The following SLC2A13 variants were observed in gnomAD, a reference collection of about 807,000 sequenced individuals.
The protein encoded by SLC2A13 is proton myo-inositol cotransporter.
In SLC2A13, 32 loss-of-function variants were observed where a neutral mutation model predicts 64.4. The ratio of observed to expected loss-of-function variants is 0.50; its 90% CI spans 0.37 to 0.67. The LOEUF (loss-of-function observed/expected upper bound fraction) is 0.67, where lower values mean the gene tolerates loss of function less well. SLC2A13 is among the 30% of genes least tolerant of loss of function. The pLI is 0.00. For synonymous variants in SLC2A13, 338 were observed against 327.1 expected (o/e 1.03, Z -0.36); for missense variants, 743 against 829.2 (o/e 0.90, Z 1.28).
chr12:39,962,473 A>T lies in SLC2A13; in HGVS notation c.926-11108T>A, dbSNP rs28370703. ...ATATAGAGACAAAAAAATCATGTCC[A>T]GTAGATTTCTTAGAATACTCACAGT... is the stretch of plus-strand genomic sequence containing the variant. On this transcript the variant is annotated intron_variant, in intron 3 of 9. Transcript: ENST00000280871. Among the ~76,000 whole-genome samples, 568 of 152,312 alleles carry T rather than the reference A, an allele frequency of 3.7e-3. 5 individuals are homozygous for T. The highest frequency in any genetic ancestry group is 0.013 in the African/African-American group (531 of 41,564).
chr12:39,990,169 T>C (rs1277453325), intron 3 of SLC2A13, among the ~76,000 whole-genome samples: 2 of 152,212 alleles, frequency 1.3e-5, no homozygotes, highest in Non-Finnish European at 2.9e-5. Flanking sequence ...TAGTTCCTTT[T>C]ATTATATAAA....
rs1013948212 is a variant in SLC2A13, at chr12:39,994,115, C to T, written c.925+34186G>A. On this transcript the variant is annotated intron_variant, in intron 3 of 9. Coordinates refer to ENST00000280871, the MANE Select transcript of SLC2A13 (RefSeq NM_052885.4). ...ATGATAAAAACTAATCTCTGCCGGGCGCGGTGGCTCACGCCTGTAATCCCA... is the reference window on the plus strand; with the variant it reads ...ATGATAAAAACTAATCTCTGCCGGGTGCGGTGGCTCACGCCTGTAATCCCA... Among the ~76,000 whole-genome samples the T allele has an allele frequency of 7.9e-5, 12 of 152,204 alleles. No homozygotes were observed. In the South Asian group the frequency reaches 8.3e-4, roughly 11 times the overall value.
chr12:39,796,978 ATTTGT>A (rs1464539946), intron 7 of SLC2A13, among the ~76,000 whole-genome samples: 5 of 152,304 alleles, frequency 3.3e-5, no homozygotes, highest in Admixed American at 1.3e-4. Flanking sequence ...TAGAAAAATA[ATTTGT>A]TTTATGTTCG....
At chr12:39,903,831 G>A (rs955141991) in intron 4 of SLC2A13, among the ~76,000 whole-genome samples, 3 of 152,026 alleles carry the variant, frequency 2.0e-5, no homozygotes, top group African/African-American at 7.2e-5. Context: ...AAAACTAATG[G>A]GTAGGAAAAG....
chr12:40,048,165 GGT>G lies in SLC2A13; in HGVS notation c.600_601del (p.Pro201ThrfsTer11). 1.9e-6 allele frequency: 3 copies of G among 1,613,394 alleles called. No individual in the cohort carries two copies. Among genetic ancestry groups the G allele is most frequent in the Non-Finnish European group, 2.5e-6 (3 of 1,179,678 alleles). On this transcript the variant is annotated frameshift_variant, in exon 2 of 10. Coordinates refer to ENST00000280871, the MANE Select transcript of SLC2A13 (RefSeq NM_052885.4). LOFTEE classifies it high-confidence loss of function. ...GACTAATCGGCCTCTTAAATTGGGT[GGT>G]GAGACCTCCGCAATGTACACTGGCA...
intron 4 of SLC2A13, among the ~76,000 whole-genome samples, chr12:39,882,099 G>C (rs189239850): frequency 1.1e-3 from 173 of 152,146 alleles, no homozygotes; most frequent in African/African-American, 4.0e-3. Flanking sequence ...TCCAGACACT[G>C]CTTCTTTTTT....
chr12:39,894,622 T>C (rs1944693660), intron 4 of SLC2A13, among the ~76,000 whole-genome samples: 1 of 152,070 alleles, frequency 6.6e-6, no homozygotes, highest in Non-Finnish European at 1.5e-5. Flanking sequence ...CAAGGGAAAA[T>C]AAAATTAAAC....
At chr12:39,972,016 T>TATATA (rs1565569175) in intron 3 of SLC2A13, among the ~76,000 whole-genome samples, 1 of 17,656 alleles carries the variant, frequency 5.7e-5, no homozygotes, top group African/African-American at 1.3e-4. Context: ...ATATATATAT[T>TATATA]TTTTTTTATA....
chr12:40,041,965 C>T (rs1403200633), intron 2 of SLC2A13, among the ~76,000 whole-genome samples: 2 of 152,180 alleles, frequency 1.3e-5, no homozygotes, highest in Non-Finnish European at 2.9e-5. Context: ...ATCCTACCCC[C>T]TCCTGGTCTA....
At chr12:39,901,922 G>C (rs1428198082) in intron 4 of SLC2A13, among the ~76,000 whole-genome samples, 1 of 152,058 alleles carries the variant, frequency 6.6e-6, no homozygotes, top group Middle Eastern at 3.4e-3. Context: ...ATTCCCAATA[G>C]CAAAGACTTG....
chr12:39,858,401 C>T (rs137897141), intron 6 of SLC2A13, among the ~76,000 whole-genome samples: 4 of 151,914 alleles, frequency 2.6e-5, no homozygotes, highest in African/African-American at 9.7e-5. Flanking sequence ...GCTTGTGCCA[C>T]CATGCCAAAA....
chr12:39,814,056 C>A (rs1041650260), intron 7 of SLC2A13, among the ~76,000 whole-genome samples: 1 of 152,122 alleles, frequency 6.6e-6, no homozygotes, highest in Non-Finnish European at 1.5e-5. Flanking sequence ...TCTTTCAAGA[C>A]GAGGAAAACT....
intron 7 of SLC2A13, among the ~76,000 whole-genome samples, chr12:39,810,680 T>C (rs1351267469): frequency 1.3e-5 from 2 of 152,198 alleles, no homozygotes; most frequent in African/African-American, 4.8e-5. Flanking sequence ...GTTTTTATCA[T>C]GAATGGATTA....
chr12:39,764,283 C>A (rs1039985461), intron 9 of SLC2A13, among the ~76,000 whole-genome samples, 177 bp downstream of exon 9: 1 of 151,994 alleles, frequency 6.6e-6, no homozygotes. Flanking sequence ...ATAGGAGAAT[C>A]CCTCTCTTCT....
chr12:40,057,443 A>G (rs776481138), intron 1 of SLC2A13, among the ~76,000 whole-genome samples: 1 of 152,166 alleles, frequency 6.6e-6, no homozygotes, highest in Non-Finnish European at 1.5e-5. Context: ...AAAGTAATAA[A>G]AAGTAGGTAA....
At chr12:39,799,217 G>A (rs991616251) in intron 7 of SLC2A13, among the ~76,000 whole-genome samples, 4 of 147,208 alleles carry the variant, frequency 2.7e-5, no homozygotes, top group African/African-American at 1.0e-4. Flanking sequence ...GGACTCTCGA[G>A]TAGCTGGGAC....
intron 3 of SLC2A13, among the ~76,000 whole-genome samples, chr12:40,016,101 G>T (rs1489063582): frequency 2.6e-5 from 4 of 151,754 alleles, no homozygotes; most frequent in African/African-American, 9.7e-5. Context: ...ATTCCTCTTT[G>T]CTGCCACAAA....
chr12:40,030,178 A>T (rs1947881923), intron 2 of SLC2A13, among the ~76,000 whole-genome samples: 1 of 152,182 alleles, frequency 6.6e-6, no homozygotes, highest in Non-Finnish European at 1.5e-5. Context: ...TTAGCTCTGC[A>T]AATTTACTTG....
intron 2 of SLC2A13, among the ~76,000 whole-genome samples, chr12:40,042,370 A>G (rs551066855): frequency 1.5e-3 from 226 of 152,186 alleles, no homozygotes; most frequent in Non-Finnish European, 1.9e-3. Flanking sequence ...GTAAACACAG[A>G]GACACTCATT....
Sources: allele counts gnomAD v4.1 joint callset (sites outside exome capture counted in the v4.1 genomes callset), GRCh38; gene constraint gnomAD v4.1.1; transcripts MANE v1.5; gene names NCBI Gene and HGNC (gene_info 2026-07-23, HGNC 2026-07-21).